Variants in LRP1B observed in about 807,000 individuals in gnomAD.
LRP1B encodes low-density lipoprotein receptor-related protein 1B.
Under a neutral mutation model 556.6 loss-of-function variants are expected in LRP1B, and 217 were observed. The observed-to-expected ratio is 0.39, with a 90% CI of 0.35 to 0.44. The LOEUF (loss-of-function observed/expected upper bound fraction) is 0.44. LRP1B is among the 20% of genes least tolerant of loss of function. The pLI is 1.00. For synonymous variants in LRP1B, 2,047 were observed against 1,865.8 expected, an observed-to-expected ratio of 1.10 and a Z score of -2.50; for missense variants, 5,053 against 5,620.8, an observed-to-expected ratio of 0.90 and a Z score of 3.23.
chr2:140,294,968 C>T (rs563505780), intron 84 of LRP1B, among the ~76,000 whole-genome samples: 7 of 152,208 alleles, frequency 4.6e-5, no homozygotes, highest in African/African-American at 1.7e-4. Flanking sequence ...GCTCCACCTC[C>T]TGGGTTCACG....
At chr2:141,508,660 TTA>T (rs2105146809) in intron 2 of LRP1B, among the ~76,000 whole-genome samples, 2 of 127,464 alleles carry the variant, frequency 1.6e-5, no homozygotes, top group African/African-American at 2.9e-5. Context: ...TTTTTTTTTT[TTA>T]AAGAACAGTT....
At chr2:141,577,447 T>C (rs927229547) in intron 2 of LRP1B, among the ~76,000 whole-genome samples, 5 of 152,170 alleles carry the variant, frequency 3.3e-5, no homozygotes, top group African/African-American at 4.8e-5. Flanking sequence ...AATTAATAGA[T>C]GGGAAATTGA....
intron 2 of LRP1B, among the ~76,000 whole-genome samples, chr2:141,803,168 C>T (rs569476561): frequency 2.7e-5 from 4 of 150,582 alleles, no homozygotes; most frequent in South Asian, 2.1e-4. Flanking sequence ...TTGCTGAGCT[C>T]GTATGCCTGT....
intron 1 of LRP1B, among the ~76,000 whole-genome samples, chr2:141,925,766 T>C (rs1210935083): frequency 6.6e-6 from 1 of 152,216 alleles, no homozygotes; most frequent in Non-Finnish European, 1.5e-5. Context: ...CTGGCTCTGC[T>C]GGGCAAGGCA....
At chr2:141,278,281 A>AAAT in intron 3 of LRP1B, among the ~76,000 whole-genome samples, 1 of 152,270 alleles carries the variant, frequency 6.6e-6, no homozygotes, top group East Asian at 1.9e-4. Context: ...TTTCTGTTAC[A>AAAT]TTCTAGGTAG....
chr2:140,597,122 T>A (rs1682472624), intron 43 of LRP1B, among the ~76,000 whole-genome samples: 1 of 152,146 alleles, frequency 6.6e-6, no homozygotes, highest in Non-Finnish European at 1.5e-5. Context: ...AAAGATGAGG[T>A]AATCTAGATG....
chr2:141,703,807 G>A (rs1424998934), intron 2 of LRP1B, among the ~76,000 whole-genome samples: 1 of 151,860 alleles, frequency 6.6e-6, no homozygotes, highest in Admixed American at 6.6e-5. Flanking sequence ...GGTTACATCG[G>A]CCTAACTAGC....
rs151216700 is a variant in LRP1B, at chr2:141,346,653, T to C, written c.344-92012A>G. 2.7e-3 allele frequency among the ~76,000 whole-genome samples: 417 copies of C among 152,264 alleles called. 6 individuals are homozygous for C. Among genetic ancestry groups the C allele is most frequent in the African/African-American group, 9.2e-3 (382 of 41,550 alleles). Reference sequence around the variant, plus strand: ...TATGACCCTTGACGGTTGGGGCAACTGAGGAGCAATTCAAACAGTTCTCAG... The same window carrying C: ...TATGACCCTTGACGGTTGGGGCAACCGAGGAGCAATTCAAACAGTTCTCAG... On this transcript the variant is annotated intron_variant, in intron 3 of 90. Transcript: ENST00000389484.
Position 140,950,366 on chromosome 2 carries a change from C to G in LRP1B, c.3005G>C (p.Cys1002Ser), listed in dbSNP as rs1262550354. The stretch of plus-strand genomic sequence containing the variant: ...CTGATTATCAAAGCAAGAGTGAACA[C>G]AGCCCACCTCATCACTCCCGTCCCC... ...DCGDGSDEVG[C>S]VHSCFDNQFR... The change falls in exon 20 of 91, where the codon TGT becomes TCT. Residue 1002 changes from cysteine (C) to serine (S), a missense_variant. By Grantham distance (112) the Cys-to-Ser change is moderately radical. Coordinates refer to ENST00000389484, the MANE Select transcript of LRP1B (RefSeq NM_018557.3). The G allele has an allele frequency of 6.2e-7, 1 of 1,611,720 alleles. No individual in the cohort carries two copies. Among genetic ancestry groups the G allele is most frequent in the Non-Finnish European group, 8.5e-7 (1 of 1,178,932 alleles).
chr2:141,795,577 CAA>C (rs1012653263), intron 2 of LRP1B, among the ~76,000 whole-genome samples: 1 of 151,172 alleles, frequency 6.6e-6, no homozygotes, highest in Non-Finnish European at 1.5e-5. Context: ...GCAGTCAGTA[CAA>C]AAAAGGTTTA....
At chr2:140,431,709 G>A (rs186370390) in intron 66 of LRP1B, among the ~76,000 whole-genome samples, 472 of 151,990 alleles carry the variant, frequency 3.1e-3, no homozygotes, top group Non-Finnish European at 4.5e-3. Flanking sequence ...CTCTTATTCC[G>A]TTTAGTTTTT....
intron 1 of LRP1B, among the ~76,000 whole-genome samples, chr2:141,961,583 G>A (rs867585932): frequency 1.1e-3 from 172 of 151,778 alleles, no homozygotes; most frequent in African/African-American, 3.9e-3. Flanking sequence ...CAGTAAGAAA[G>A]TGAGATGCAT....
At chr2:140,414,828 G>A (rs941745784) in intron 66 of LRP1B, among the ~76,000 whole-genome samples, 1 of 152,270 alleles carries the variant, frequency 6.6e-6, no homozygotes, top group Middle Eastern at 3.4e-3. Flanking sequence ...GCGATCTTTA[G>A]GGAACGAGGG....
At chr2:141,931,170 A>C (rs898488107) in intron 1 of LRP1B, among the ~76,000 whole-genome samples, 4 of 152,196 alleles carry the variant, frequency 2.6e-5, no homozygotes, top group African/African-American at 9.6e-5. Context: ...TGAAAGAATA[A>C]TTTGCTATGT....
At chr2:141,596,582 C>T (rs1687531019) in intron 2 of LRP1B, among the ~76,000 whole-genome samples, 1 of 151,992 alleles carries the variant, frequency 6.6e-6, no homozygotes, top group African/African-American at 2.4e-5. Flanking sequence ...AATGCACTCA[C>T]TATTGATCTA....
intron 77 of LRP1B, among the ~76,000 whole-genome samples, chr2:140,338,848 G>A (rs759338533): frequency 6.6e-6 from 1 of 151,576 alleles, no homozygotes; most frequent in Non-Finnish European, 1.5e-5. Flanking sequence ...TACCAGATTG[G>A]AGAGAAGAAA....
intron 86 of LRP1B, among the ~76,000 whole-genome samples, chr2:140,262,818 T>C (rs1249776010): frequency 6.6e-6 from 1 of 152,124 alleles, no homozygotes; most frequent in Non-Finnish European, 1.5e-5. Context: ...TTTCAATATC[T>C]CCCTAGTCCT....
intron 21 of LRP1B, among the ~76,000 whole-genome samples, chr2:140,910,924 A>G (rs1458584514): frequency 6.6e-6 from 1 of 151,868 alleles, no homozygotes; most frequent in African/African-American, 2.4e-5. Context: ...CTAATTTTAG[A>G]AAATGTTTTC....
At position 141,838,183 on chromosome 2, in the gene LRP1B, C is replaced by T. The variant is rs188158092; in HGVS notation, c.83-27782G>A. Among the ~76,000 whole-genome samples the T allele has an allele frequency of 1.6e-4, 25 of 152,146 alleles. No homozygotes were observed. The East Asian group carries it at 3.9e-3, about 23-fold the overall frequency. ...AATACAAAGCTATAATAATCTATAA[C>T]GTAAGCTATCTCACAGTCTCATGAA... On this transcript the variant is annotated intron_variant, in intron 1 of 90. Transcript: ENST00000389484.
Sources: allele counts gnomAD v4.1 joint callset (sites outside exome capture counted in the v4.1 genomes callset), GRCh38; gene constraint gnomAD v4.1.1; transcripts MANE v1.5; gene names NCBI Gene and HGNC (gene_info 2026-07-23, HGNC 2026-07-21).